NKIRAS2: variants seen among roughly 807,000 people sequenced by gnomAD.
The protein encoded by NKIRAS2 is NF-kappa-B inhibitor-interacting Ras-like protein 2.
In NKIRAS2, 15 loss-of-function variants were observed where a neutral mutation model predicts 20.7. The ratio of observed to expected loss-of-function variants is 0.73; its 90% CI spans 0.49 to 1.12. The LOEUF (loss-of-function observed/expected upper bound fraction) is 1.12. Ranked by LOEUF, NKIRAS2 falls within the 50% of genes most tolerant of loss-of-function variation. The probability of loss-of-function intolerance (pLI) is 0.00; values close to 1 mark genes in which losing one functional copy is unlikely to be tolerated. For missense variants in NKIRAS2, 196 were observed against 249.6 expected (o/e 0.79, Z 1.45); for synonymous variants, 116 against 101.4 (o/e 1.14, Z -0.87).
Position 42,025,216 on chromosome 17 carries a change from A to G in NKIRAS2, c.*1323A>G, listed in dbSNP as rs939573357. 125 of 152,514 alleles carry G rather than the reference A, an allele frequency of 8.2e-4. No homozygotes were observed. Among genetic ancestry groups the G allele is most frequent in the African/African-American group, 2.8e-3 (117 of 41,402 alleles). 9.4% of individuals were successfully genotyped at this position (152,514 alleles called of 1,614,324 possible). On this transcript the variant is annotated 3_prime_UTR_variant, in exon 4 of 4. Transcript: ENST00000393885. ...GTTTTCAGCTCAGAGCTGGACTTCTATTTATAAGTTACCTGTATTTATATT... is the reference window on the plus strand; with the variant it reads ...GTTTTCAGCTCAGAGCTGGACTTCTGTTTATAAGTTACCTGTATTTATATT...
chr17:42,017,577 G>C (rs2052340358), upstream of NKIRAS2: 1 of 894,702 alleles, frequency 1.1e-6, no homozygotes, highest in Admixed American at 2.8e-5. Context: ...CCCGCCCCCG[G>C]ATGTCCACGG....
intron 3 of NKIRAS2, chr17:42,023,012 T>C (rs1457862132): frequency 3.4e-6 from 1 of 295,626 alleles, no homozygotes; most frequent in Non-Finnish European, 6.8e-6. Context: ...TTTGTTTGTT[T>C]GTTTGTTTGA....
chr17:42,022,280 T>C lies in NKIRAS2; in HGVS notation c.95-119T>C. 7 of 1,021,788 alleles carry C rather than the reference T, an allele frequency of 6.9e-6. No homozygotes were observed. The South Asian group carries it at 1.1e-4, about 17-fold the overall frequency. The allele number at this position is 1,021,788 out of a possible 1,614,324, so 63.3% of individuals were successfully genotyped here. A position where few individuals can be genotyped will look rare whatever the true frequency, so the allele number is the denominator to read the frequency against. On this transcript the variant is annotated intron_variant, in intron 2 of 3. Coordinates refer to ENST00000393885, the MANE Select transcript of NKIRAS2 (RefSeq NM_017595.6). ...TTCAGTCCTGCCAGGCTGTCAATTC[T>C]CTGGCCTCCTCAGCCCCCTACATTC...
At chr17:42,019,437 C>A (rs573089182), upstream of NKIRAS2, among the ~76,000 whole-genome samples, 14 of 152,188 alleles carry the variant, frequency 9.2e-5, no homozygotes, top group Non-Finnish European at 1.9e-4. Context: ...AATGGCTTTC[C>A]ATTGCCGTCA....
chr17:42,023,122 GCCCCCTGC>G, intron 3 of NKIRAS2: 1 of 330,428 alleles, frequency 3.0e-6, no homozygotes, highest in Non-Finnish European at 6.2e-6. Context: ...TCCTGCCTCA[GCCCCCTGC>G]TAAGACTACA....
intron 2 of NKIRAS2, chr17:42,021,942 G>A (rs1555653110): frequency 1.6e-6 from 1 of 631,320 alleles, no homozygotes; most frequent in African/African-American, 1.8e-5. Flanking sequence ...GGGTGCGGTG[G>A]ATCACGCCTG....
chr17:42,023,085 C>G (rs1273854492), intron 3 of NKIRAS2: 6 of 362,166 alleles, frequency 1.7e-5, no homozygotes, highest in Non-Finnish European at 3.4e-5. Flanking sequence ...TCACTGCAGC[C>G]TCAACCTCCC....
Position 42,024,110 on chromosome 17 carries a change from C to A in NKIRAS2, c.*217C>A. On this transcript the variant is annotated 3_prime_UTR_variant, in exon 4 of 4. Transcript: ENST00000393885. ...TCCTCAGCCCTCCCAGCCTACTCCC[C>A]ATCCCAGCTTTTAGAGGATCTGCTC... The A allele has an allele frequency of 1.6e-6, 1 of 644,728 alleles. No individual in the cohort carries two copies. Among genetic ancestry groups the A allele is most frequent in the Non-Finnish European group, 2.5e-6 (1 of 393,106 alleles). The allele number at this position is 644,728 out of a possible 1,614,324, so 39.9% of individuals were successfully genotyped here. A position where few individuals can be genotyped will look rare whatever the true frequency, so the allele number is the denominator to read the frequency against.
rs548603154 is a variant in NKIRAS2, at chr17:42,024,205, C to T, written c.*312C>T. 11 of 376,090 alleles carry T rather than the reference C, an allele frequency of 2.9e-5. No homozygotes were observed. Among genetic ancestry groups the T allele is most frequent in the South Asian group, 2.3e-4 (9 of 38,904 alleles). 23.3% of individuals were successfully genotyped at this position (376,090 alleles called of 1,614,324 possible). On this transcript the variant is annotated 3_prime_UTR_variant, in exon 4 of 4. Transcript: ENST00000393885. Reference sequence around the variant, plus strand: ...CCCCAGACAGGAAGCAGAGTCACCACGCAGCAGTGTCCCTTCTTGGGTCTG... The same window carrying T: ...CCCCAGACAGGAAGCAGAGTCACCATGCAGCAGTGTCCCTTCTTGGGTCTG...
Position 42,022,620 on chromosome 17 carries a change from A to C in NKIRAS2, c.316A>C (p.Lys106Gln), listed in dbSNP as rs1555653342. 1 of 1,613,320 alleles carries C rather than the reference A, an allele frequency of 6.2e-7. No individual in the cohort carries two copies. The highest frequency in any genetic ancestry group is 1.3e-5 in the African/African-American group (1 of 74,900). The part of the protein sequence containing the change: ...RVELLKKEID[K>Q]SKDKKEVTIV... The stretch of plus-strand genomic sequence containing the variant: ...GGAGCTGCTCAAGAAGGAGATTGAC[A>C]AATCCAAGGACAAGAAGGAGGTGTG... The change falls in exon 3 of 4, where the codon AAA (lysine) becomes CAA (glutamine). Residue 106 changes from lysine (K) to glutamine (Q), a missense_variant. Coordinates refer to ENST00000393885, the MANE Select transcript of NKIRAS2 (RefSeq NM_017595.6).
At chr17:42,018,882 T>G (rs111382605), upstream of NKIRAS2, among the ~76,000 whole-genome samples, 1,361 of 152,318 alleles carry the variant, frequency 8.9e-3, 11 homozygotes, top group Non-Finnish European at 0.014. Flanking sequence ...TCCCCAAGGC[T>G]TACCATATTT....
chr17:42,022,138 G>C (rs1206075569), intron 2 of NKIRAS2: 10 of 471,740 alleles, frequency 2.1e-5, no homozygotes, highest in Non-Finnish European at 3.9e-5. Flanking sequence ...GAACTCGGGA[G>C]GTGGAGGTTG....
rs201257933 is a variant in NKIRAS2, at chr17:42,021,546, G to T, written c.-14-18G>T. On this transcript the variant is annotated intron_variant, in intron 1 of 3. Coordinates refer to ENST00000393885, the MANE Select transcript of NKIRAS2 (RefSeq NM_017595.6). ...GCTTTCTTTCCTCACCTTACCCAGCGTGCTTCTGTTCTTCAAGGTTGAAAA... is the reference window on the plus strand; with the variant it reads ...GCTTTCTTTCCTCACCTTACCCAGCTTGCTTCTGTTCTTCAAGGTTGAAAA... 20 of 1,597,660 alleles carry T rather than the reference G, an allele frequency of 1.3e-5. No individual in the cohort carries two copies. Among genetic ancestry groups the T allele is most frequent in the Admixed American group, 3.3e-5 (2 of 59,954 alleles).
At chr17:42,017,630 C>A (rs942965532), upstream of NKIRAS2, 6 of 599,766 alleles carry the variant, frequency 1.0e-5, no homozygotes, top group African/African-American at 1.1e-4. Context: ...TGTGCCGGTG[C>A]GTAGGCGGCG....
upstream of NKIRAS2, among the ~76,000 whole-genome samples, chr17:42,018,175 T>G (rs964001763): frequency 1.3e-5 from 2 of 152,134 alleles, no homozygotes; most frequent in Non-Finnish European, 2.9e-5. Flanking sequence ...CTTGCTCTTG[T>G]GTCCCCAGTA....
Position 42,020,213 on chromosome 17 carries a change from C to G in NKIRAS2, c.-15+9C>G, listed in dbSNP as rs1403601395. The G allele has an allele frequency of 3.9e-5, 6 of 152,336 alleles. No individual in the cohort carries two copies. Among genetic ancestry groups the G allele is most frequent in the African/African-American group, 1.4e-4 (6 of 41,480 alleles). The allele number at this position is 152,336 out of a possible 1,614,324, so 9.4% of individuals were successfully genotyped here. A position where few individuals can be genotyped will look rare whatever the true frequency, so the allele number is the denominator to read the frequency against. On this transcript the variant is annotated intron_variant, in intron 1 of 3. Transcript: ENST00000393885. The stretch of plus-strand genomic sequence containing the variant: ...TGCGGGGGCCCCGGGAGGTACGGAC[C>G]TGGGAGGCGAGGCTCGTCCGGCGCT...
rs2052551249 is a variant in NKIRAS2, at chr17:42,025,324, G to A, written c.*1431G>A. The A allele has an allele frequency of 6.5e-6, 1 of 152,702 alleles. No individual in the cohort carries two copies. The allele number at this position is 152,702 out of a possible 1,614,324, so 9.5% of individuals were successfully genotyped here. ...TACCTCAGATGCCTGAACAGAACAA[G>A]GCAAACCCGTAGCAGCCTCTCAGGA... On this transcript the variant is annotated 3_prime_UTR_variant, in exon 4 of 4. Coordinates refer to ENST00000393885, the MANE Select transcript of NKIRAS2 (RefSeq NM_017595.6).
chr17:42,024,708 A>C lies in NKIRAS2; in HGVS notation c.*815A>C, dbSNP rs1014646400. 6.6e-6 allele frequency: 1 copy of C among 150,978 alleles called. No individual in the cohort carries two copies. The highest frequency in any genetic ancestry group is 6.6e-5 in the Admixed American group (1 of 15,092). 9.4% of individuals were successfully genotyped at this position (150,978 alleles called of 1,614,324 possible). On this transcript the variant is annotated 3_prime_UTR_variant, in exon 4 of 4. Coordinates refer to ENST00000393885, the MANE Select transcript of NKIRAS2 (RefSeq NM_017595.6). The stretch of plus-strand genomic sequence containing the variant: ...AGAATTGCTTGAACTCAGAAGGCGG[A>C]GGCTGCAGTGAGCCGAGATCGTGCC...
At chr17:42,022,873 C>T (rs2143447085) in intron 3 of NKIRAS2, among the ~76,000 whole-genome samples, 1 of 152,174 alleles carries the variant, frequency 6.6e-6, no homozygotes, top group Admixed American at 6.5e-5. Flanking sequence ...TGTATGAAGC[C>T]CCCATTTAGT....
Sources: allele counts gnomAD v4.1 joint callset (sites outside exome capture counted in the v4.1 genomes callset), GRCh38; gene constraint gnomAD v4.1.1; transcripts MANE v1.5; gene names NCBI Gene and HGNC (gene_info 2026-07-23, HGNC 2026-07-21).